SUMF1: variants seen among roughly 807,000 people sequenced by gnomAD.
SUMF1 encodes formylglycine-generating enzyme.
A neutral mutation model predicts 47.6 loss-of-function variants in SUMF1; 48 were observed. The ratio of observed to expected loss-of-function variants is 1.01; its 90% confidence interval spans 0.80 to 1.28. The LOEUF (loss-of-function observed/expected upper bound fraction) is 1.28, where lower values mean the gene tolerates loss of function less well. Ranked by LOEUF, SUMF1 falls within the 50% of genes most tolerant of loss-of-function variation. SUMF1 has a pLI of 0.00. For missense variants in SUMF1, 571 were observed against 485.4 expected, an observed-to-expected ratio of 1.18 and a Z score of -1.66; for synonymous variants, 230 against 192.1, an observed-to-expected ratio of 1.20 and a Z score of -1.63.
intron 8 of SUMF1, among the ~76,000 whole-genome samples, chr3:4,079,083 G>A (rs192888385): frequency 5.3e-5 from 8 of 152,034 alleles, no homozygotes; most frequent in Admixed American, 3.3e-4. Flanking sequence ...TGCGTGAGTC[G>A]CCTCACAGTC....
chr3:4,212,444 C>T (rs976548925), intron 8 of SUMF1, among the ~76,000 whole-genome samples: 1 of 152,130 alleles, frequency 6.6e-6, no homozygotes, highest in African/African-American at 2.4e-5. Context: ...GATAAATCTA[C>T]AAAAATGGGG....
At chr3:4,037,925 A>G (rs535974045) in intron 9 of SUMF1, among the ~76,000 whole-genome samples, 2 of 152,074 alleles carry the variant, frequency 1.3e-5, no homozygotes, top group Non-Finnish European at 2.9e-5. Flanking sequence ...GGGTTATGTT[A>G]TTGAGGTATT....
At chr3:4,251,811 C>G (rs941683309) in intron 8 of SUMF1, among the ~76,000 whole-genome samples, 1 of 152,184 alleles carries the variant, frequency 6.6e-6, no homozygotes, top group South Asian at 2.1e-4. Flanking sequence ...CAAGACCCTA[C>G]AATGGCAAAA....
chr3:4,303,284 G>T, intron 8 of SUMF1: 1 of 1,358,884 alleles, frequency 7.4e-7, no homozygotes, highest in African/African-American at 1.6e-5. Context: ...ATTCCCATGA[G>T]GCGGTGGGGC....
chr3:4,467,116 C>A lies in SUMF1; in HGVS notation c.130G>T (p.Gly44Trp). The change falls in exon 1 of 9, where the codon GGG becomes TGG. Residue 44 changes from glycine to tryptophan, a missense_variant. Gly to Trp is a radical substitution (Grantham distance 184). Coordinates refer to ENST00000272902, the MANE Select transcript of SUMF1 (RefSeq NM_182760.4). ...CAGCCGCAAGAACCCGCAAGGGACCCCGCGCCCGCACCGGTCCCGGCCTCC... is the reference window on the plus strand; with the variant it reads ...CAGCCGCAAGAACCCGCAAGGGACCACGCGCCCGCACCGGTCCCGGCCTCC... ...SQEAGTGAGA[G>W]SLAGSCGCGT... 1 of 1,561,556 alleles carries A rather than the reference C, an allele frequency of 6.4e-7. No homozygotes were observed. Among genetic ancestry groups the A allele is most frequent in the Non-Finnish European group, 8.7e-7 (1 of 1,154,318 alleles).
intron 7 of SUMF1, among the ~76,000 whole-genome samples, chr3:4,409,305 C>T (rs1468043175): frequency 1.3e-5 from 2 of 152,126 alleles, no homozygotes; most frequent in African/African-American, 4.8e-5. Context: ...AATGAGGAAG[C>T]AAAGGAGGCC....
intron 8 of SUMF1, among the ~76,000 whole-genome samples, chr3:4,098,313 T>G (rs752441686): frequency 2.6e-5 from 4 of 152,058 alleles, no homozygotes; most frequent in Non-Finnish European, 4.4e-5. Context: ...AGCCCATATC[T>G]CTAACAAGGT....
At chr3:4,203,827 T>C (rs1363559255) in intron 8 of SUMF1, among the ~76,000 whole-genome samples, 1 of 152,004 alleles carries the variant, frequency 6.6e-6, no homozygotes, top group African/African-American at 2.4e-5. Context: ...TTTAAATTGA[T>C]AACAACATTG....
chr3:4,372,975 T>A (rs766475574), intron 8 of SUMF1, among the ~76,000 whole-genome samples: 2 of 152,268 alleles, frequency 1.3e-5, no homozygotes, highest in Non-Finnish European at 2.9e-5. Context: ...TGGAAAATCC[T>A]GTGGATCCCA....
At chr3:4,119,181 C>T (rs1400681233) in intron 8 of SUMF1, among the ~76,000 whole-genome samples, 5 of 152,124 alleles carry the variant, frequency 3.3e-5, no homozygotes, top group East Asian at 1.9e-4. Context: ...GCTAAAAGTC[C>T]GGACTGCTCT....
Position 4,374,393 on chromosome 3 carries a change from T to C in SUMF1, c.1014+1937A>G, listed in dbSNP as rs144412429. On this transcript the variant is annotated intron_variant, in intron 8 of 8. Transcript: ENST00000272902. Reference sequence around the variant, plus strand: ...ATGTAAGTGTACTTAATAAAGTATGTAGGAGTTTAAAAGATATTTTTAAAG... The same window carrying C: ...ATGTAAGTGTACTTAATAAAGTATGCAGGAGTTTAAAAGATATTTTTAAAG... Among the ~76,000 whole-genome samples the C allele has an allele frequency of 9.3e-4, 141 of 152,346 alleles. 1 individual carries two copies. In the East Asian group the frequency reaches 0.025, roughly 27 times the overall value.
chr3:4,174,254 G>A (rs945586507), intron 8 of SUMF1, among the ~76,000 whole-genome samples: 1 of 150,922 alleles, frequency 6.6e-6, no homozygotes, highest in Non-Finnish European at 1.5e-5. Flanking sequence ...TACTCGGGAG[G>A]CTGAGGCAGA....
At chr3:4,129,373 A>G (rs1693732017) in intron 8 of SUMF1, among the ~76,000 whole-genome samples, 6 of 152,266 alleles carry the variant, frequency 3.9e-5, no homozygotes, top group Admixed American at 3.3e-4. Flanking sequence ...TGGCTAATCA[A>G]TCATGGCATT....
At chr3:4,395,789 C>A (rs566802683) in intron 7 of SUMF1, among the ~76,000 whole-genome samples, 1 of 152,256 alleles carries the variant, frequency 6.6e-6, no homozygotes, top group South Asian at 2.1e-4. Context: ...ACTTTCAGAC[C>A]CCAAAGTCTA....
intron 9 of SUMF1, among the ~76,000 whole-genome samples, chr3:4,059,808 A>AG (rs1442059820): frequency 1.3e-5 from 2 of 152,030 alleles, no homozygotes; most frequent in East Asian, 3.8e-4. Context: ...AAAAAAAAAA[A>AG]AAAACCTTGA....
chr3:4,052,199 C>T (rs1353759913), intron 9 of SUMF1, among the ~76,000 whole-genome samples: 1 of 152,054 alleles, frequency 6.6e-6, no homozygotes, highest in Non-Finnish European at 1.5e-5. Flanking sequence ...AATGTGTCTC[C>T]ACATGATGGA....
intron 9 of SUMF1, among the ~76,000 whole-genome samples, chr3:4,045,199 T>C (rs960608221): frequency 4.3e-4 from 65 of 152,118 alleles, no homozygotes; most frequent in Admixed American, 4.3e-3. Flanking sequence ...GTTCAATCCA[T>C]TGAAAGTCCT....
At chr3:4,378,906 G>A (rs778646415) in intron 7 of SUMF1, among the ~76,000 whole-genome samples, 3 of 152,168 alleles carry the variant, frequency 2.0e-5, no homozygotes, top group Non-Finnish European at 2.9e-5. Flanking sequence ...TTTGCCAATG[G>A]GAAGGCATGG....
intron 7 of SUMF1, among the ~76,000 whole-genome samples, chr3:4,389,352 T>A (rs952697946): frequency 6.6e-6 from 1 of 151,002 alleles, no homozygotes; most frequent in African/African-American, 2.4e-5. Context: ...TTTTTCCCTA[T>A]AGGTAAGGTG....
Sources: allele counts gnomAD v4.1 joint callset (sites outside exome capture counted in the v4.1 genomes callset), GRCh38; gene constraint gnomAD v4.1.1; transcripts MANE v1.5; gene names NCBI Gene and HGNC (gene_info 2026-07-23, HGNC 2026-07-21).